ZNF736: variants seen among roughly 807,000 people sequenced by gnomAD.
The protein encoded by ZNF736 is KRAB-containing zinc-finger repressor protein.
A neutral mutation model predicts 11.7 loss-of-function variants in ZNF736; 6 were observed. The observed-to-expected ratio is 0.51, with a 90% confidence interval of 0.28 to 1.01. ZNF736 has a LOEUF of 1.01. ZNF736 is among the 50% of genes least tolerant of loss of function. ZNF736 has a pLI of 0.09. For missense variants in ZNF736, 444 were observed against 496.0 expected (o/e 0.90, Z 1.00); for synonymous variants, 139 against 164.7 (o/e 0.84, Z 1.19).
intron 1 of ZNF736, among the ~76,000 whole-genome samples, chr7:64,325,184 T>A (rs1247686589): frequency 6.6e-6 from 1 of 151,808 alleles, no homozygotes. Flanking sequence ...AAAAAAAAGT[T>A]GGAAAAATAC....
At chr7:64,333,669 T>C (rs1337008370) in intron 1 of ZNF736, among the ~76,000 whole-genome samples, 2 of 133,966 alleles carry the variant, frequency 1.5e-5, no homozygotes, top group Non-Finnish European at 3.2e-5. Context: ...AAAAAAAAAA[T>C]CCGTGCTCAT....
chr7:64,320,126 C>G (rs966460655), intron 1 of ZNF736, among the ~76,000 whole-genome samples: 15 of 152,240 alleles, frequency 9.9e-5, no homozygotes, highest in African/African-American at 3.6e-4. Context: ...GAGGCCAAAT[C>G]CAAGAAATCC....
chr7:64,320,844 A>G (rs1292559020), intron 1 of ZNF736, among the ~76,000 whole-genome samples: 1 of 152,212 alleles, frequency 6.6e-6, no homozygotes, highest in Non-Finnish European at 1.5e-5. Context: ...ATGGAAATAT[A>G]TTAATTTAGA....
intron 1 of ZNF736, among the ~76,000 whole-genome samples, chr7:64,330,086 C>T (rs968885749): frequency 6.6e-6 from 1 of 152,152 alleles, no homozygotes; most frequent in African/African-American, 2.4e-5. Context: ...CCACTGAAGA[C>T]CTAAGTGGTC....
chr7:64,332,375 T>C (rs1789182923), intron 1 of ZNF736, among the ~76,000 whole-genome samples: 1 of 152,044 alleles, frequency 6.6e-6, no homozygotes, highest in Admixed American at 6.6e-5. Context: ...CTAGCAAGTT[T>C]TTATTAAGGG....
rs961737630 is a variant in ZNF736 at position 64,337,750 on chromosome 7, T to G, written c.226+768T>G. 3.7e-3 allele frequency among the ~76,000 whole-genome samples: 318 copies of G among 85,560 alleles called. 5 individuals are homozygous for G. Among genetic ancestry groups the G allele is most frequent in the Non-Finnish European group, 6.4e-3 (240 of 37,240 alleles). The allele number at this position is 85,560 out of a possible 152,430, so 56.1% of individuals were successfully genotyped here. On this transcript the variant is annotated intron_variant, in intron 3 of 3. Coordinates refer to ENST00000423484, the MANE Select transcript of ZNF736 (RefSeq NM_001170905.3). ...TTTTTTGTTTTGTTTTGTTTTGTTT[T>G]TTTTGGTTTTTTTTTTTTTTTGAGA...
In ZNF736 at chr7:64,350,861, C is replaced by T. The variant is rs1789477264; in HGVS notation, c.*1714C>T. ...AACTCAGAGGCTGCATACTCTAACT[C>T]CGGGGGACTTGTTTTGAGCCCCAAC... is the stretch of plus-strand genomic sequence containing the variant. On this transcript the variant is annotated 3_prime_UTR_variant, in exon 4 of 4. Transcript: ENST00000423484. The T allele has an allele frequency of 6.6e-6, 1 of 151,868 alleles. No homozygotes were observed. The highest frequency in any genetic ancestry group is 1.9e-4 in the East Asian group (1 of 5,174). The allele number at this position is 151,868 out of a possible 1,614,324, so 9.4% of individuals were successfully genotyped here. A position where few individuals can be genotyped will look rare whatever the true frequency, so the allele number is the denominator to read the frequency against.
At chr7:64,337,413 T>C (rs1475811456) in intron 3 of ZNF736, 1 of 166,370 alleles carries the variant, frequency 6.0e-6, no homozygotes, top group Non-Finnish European at 1.3e-5. Flanking sequence ...GATATTACAG[T>C]TTGGATCAGA....
At chr7:64,337,601 A>G (rs1789272148) in intron 3 of ZNF736, among the ~76,000 whole-genome samples, 1 of 152,214 alleles carries the variant, frequency 6.6e-6, no homozygotes, top group African/African-American at 2.4e-5. Context: ...TTCTTTTCAT[A>G]TAAACAAATG....
At position 64,345,054 on chromosome 7, in the gene ZNF736, C is replaced by T. The variant is rs1197268737; in HGVS notation, c.227-3036C>T. Among the ~76,000 whole-genome samples, 8 of 145,776 alleles carry T rather than the reference C, an allele frequency of 5.5e-5. No individual in the cohort carries two copies. In the East Asian group the frequency reaches 1.0e-3, roughly 19 times the overall value. ...TTTATTTATTTTTGAGATGGAGTCTCGCTCTGTCACCCAGGCTGGAGTGCA... is the reference window on the plus strand; with the variant it reads ...TTTATTTATTTTTGAGATGGAGTCTTGCTCTGTCACCCAGGCTGGAGTGCA... On this transcript the variant is annotated intron_variant, in intron 3 of 3. Coordinates refer to ENST00000423484, the MANE Select transcript of ZNF736 (RefSeq NM_001170905.3).
chr7:64,331,011 G>T (rs886338707), intron 1 of ZNF736, among the ~76,000 whole-genome samples: 2 of 152,158 alleles, frequency 1.3e-5, no homozygotes, highest in Non-Finnish European at 2.9e-5. Flanking sequence ...TGCACTGCCT[G>T]TGCCTAGGGT....
intron 3 of ZNF736, among the ~76,000 whole-genome samples, chr7:64,338,152 A>G (rs1049007809): frequency 6.6e-6 from 1 of 152,224 alleles, no homozygotes; most frequent in Non-Finnish European, 1.5e-5. Context: ...TGTGTCATTC[A>G]TATGTATATA....
chr7:64,335,896 A>G (rs1331559999), intron 1 of ZNF736, among the ~76,000 whole-genome samples: 1 of 152,256 alleles, frequency 6.6e-6, no homozygotes, highest in African/African-American at 2.4e-5. Context: ...TCATTGCTAT[A>G]CACAATAAGA....
chr7:64,336,637 A>G (rs1397336490), intron 2 of ZNF736, among the ~76,000 whole-genome samples: 1 of 152,214 alleles, frequency 6.6e-6, no homozygotes, highest in East Asian at 1.9e-4. Context: ...GTAGCATAAA[A>G]TATTGTTACC....
rs2115971415 is a variant in ZNF736 at position 64,348,573 on chromosome 7, C to T, written c.710C>T (p.Thr237Ile). ...KPYKCEGCGK[T>I]FTCSSTLVKH... ...TACAAATGTGAAGGATGTGGCAAAA[C>T]TTTTACCTGCTCCTCAACCCTTGTT... The change falls in exon 4 of 4, where the codon ACT (threonine) becomes ATT (isoleucine). Residue 237 changes from threonine (T) to isoleucine (I), a missense_variant. Transcript: ENST00000423484. 1.9e-6 allele frequency: 3 copies of T among 1,589,304 alleles called. No individual in the cohort carries two copies. The highest frequency in any genetic ancestry group is 1.3e-5 in the African/African-American group (1 of 74,160).
Position 64,355,484 on chromosome 7 carries a change from G to C in ZNF736, c.*6337G>C, listed in dbSNP as rs563327151. 6.6e-6 allele frequency: 1 copy of C among 151,876 alleles called. No individual in the cohort carries two copies. Among genetic ancestry groups the C allele is most frequent in the African/African-American group, 2.4e-5 (1 of 41,354 alleles). 9.4% of individuals were successfully genotyped at this position (151,876 alleles called of 1,614,324 possible). On this transcript the variant is annotated 3_prime_UTR_variant, in exon 4 of 4. Coordinates refer to ENST00000423484, the MANE Select transcript of ZNF736 (RefSeq NM_001170905.3). ...TGCAGCCTCCACCTCCCAGGTTCAA[G>C]CAATTCTCCTGCCTCACCCTCCCAA...
At chr7:64,337,759 T>TG (rs1554304622) in intron 3 of ZNF736, among the ~76,000 whole-genome samples, 2 of 141,618 alleles carry the variant, frequency 1.4e-5, no homozygotes, top group Non-Finnish European at 3.1e-5. Context: ...TTTTTTGGTT[T>TG]TTTTTTTTTT....
intron 1 of ZNF736, among the ~76,000 whole-genome samples, chr7:64,330,178 A>G (rs1368141286): frequency 1.3e-5 from 2 of 151,274 alleles, no homozygotes; most frequent in African/African-American, 4.9e-5. Context: ...TGTTTTTGAG[A>G]CGGAGTCTCG....
At chr7:64,347,217 C>CTTTTTTTTTTTTTTTTTTT (rs35033527) in intron 3 of ZNF736, among the ~76,000 whole-genome samples, 2 of 55,874 alleles carry the variant, frequency 3.6e-5, no homozygotes, top group Admixed American at 2.6e-4. Flanking sequence ...AAATGTTCGC[C>CTTTTTTTTTTTTTTTTTTT]TTTTTTTTTT....
Sources: allele counts gnomAD v4.1 joint callset (sites outside exome capture counted in the v4.1 genomes callset), GRCh38; gene constraint gnomAD v4.1.1; transcripts MANE v1.5; gene names NCBI Gene and HGNC (gene_info 2026-07-23, HGNC 2026-07-21).